Variants in MCM3AP observed in about 807,000 individuals in gnomAD.
MCM3AP encodes germinal-center associated nuclear protein.
A neutral mutation model predicts 184.1 loss-of-function variants in MCM3AP; 126 were observed. The observed-to-expected ratio is 0.68, with a 90% confidence interval of 0.59 to 0.79. MCM3AP has a LOEUF of 0.79. MCM3AP is among the 30% of genes least tolerant of loss of function. The pLI is 0.00. For missense variants in MCM3AP, 2,496 were observed against 2,479.2 expected (o/e 1.01, Z -0.14); for synonymous variants, 1,002 against 979.3 (o/e 1.02, Z -0.43).
chr21:46,284,997 G>A lies in MCM3AP; in HGVS notation c.290C>T (p.Ser97Phe). ...LEHTSTFVATSGPSSSSVLGN... is the reference protein window; with the variant it reads ...LEHTSTFVATFGPSSSSVLGN... ...CAGCACAGATGAACTTGAAGGCCCAGAGGTAGCCACAAAGGTGGAAGTGTG... is the reference window on the plus strand; with the variant it reads ...CAGCACAGATGAACTTGAAGGCCCAAAGGTAGCCACAAAGGTGGAAGTGTG... The change falls in exon 1 of 28, where the codon TCT becomes TTT. Residue 97 changes from serine (S) to phenylalanine (F), a missense_variant. Physicochemically the swap from Ser to Phe is radical, Grantham distance 155. Transcript: ENST00000291688. 6 of 1,614,194 alleles carry A rather than the reference G, an allele frequency of 3.7e-6. No homozygotes were observed. Among genetic ancestry groups the A allele is most frequent in the Non-Finnish European group, 5.1e-6 (6 of 1,180,036 alleles).
intron 9 of MCM3AP, among the ~76,000 whole-genome samples, chr21:46,270,038 C>T (rs970327778): frequency 1.3e-5 from 2 of 152,096 alleles, no homozygotes; most frequent in Non-Finnish European, 2.9e-5. Context: ...CCAGAAACTT[C>T]GATTTAAAAC....
At chr21:46,265,039 G>A (rs548238774) in intron 12 of MCM3AP, among the ~76,000 whole-genome samples, 7 of 152,358 alleles carry the variant, frequency 4.6e-5, no homozygotes, top group African/African-American at 1.4e-4. Flanking sequence ...ATCAGGGGGC[G>A]CACAATGCTG....
Position 46,244,833 on chromosome 21 carries a change from G to A in MCM3AP, c.5012C>T (p.Pro1671Leu), listed in dbSNP as rs752671874. Residue 1671 changes from proline (P) to leucine (L), a missense_variant, in exon 23 of 28, where the codon CCG becomes CTG. Physicochemically the swap from Pro to Leu is moderately conservative, Grantham distance 98. Transcript: ENST00000291688. Reference sequence around the variant, plus strand: ...CCCCAGGGGTGGAAGGTCCATCTGCGGAAGCTGGAACCCGAGCACAGCCTG... The same window carrying A: ...CCCCAGGGGTGGAAGGTCCATCTGCAGAAGCTGGAACCCGAGCACAGCCTG... ...LKQAVLGFQL[P>L]QMDLPPLGAP... 12 of 1,613,736 alleles carry A rather than the reference G, an allele frequency of 7.4e-6. No individual in the cohort carries two copies. Among genetic ancestry groups the A allele is most frequent in the South Asian group, 1.1e-5 (1 of 91,052 alleles).
In MCM3AP at chr21:46,277,528, T is replaced by C. The variant is rs766601997; in HGVS notation, c.1857A>G (p.Gln619=). The stretch of plus-strand genomic sequence containing the variant: ...AACCTCTGCCACCAAGTGCCATACC[T>C]TGCCGCATGATCCTGTCTCTCTGGT... ...LLDQRDRIMR[Q]ARVKRTDLDK... is the part of the protein sequence containing the mutation. Residue 619 remains glutamine (Q), a splice_region_variant and synonymous_variant, in exon 5 of 28, where the codon CAA becomes CAG. Coordinates refer to ENST00000291688, the MANE Select transcript of MCM3AP (RefSeq NM_003906.5). The C allele has an allele frequency of 5.7e-6, 9 of 1,569,470 alleles. No individual in the cohort carries two copies. The highest frequency in any genetic ancestry group is 7.8e-6 in the Non-Finnish European group (9 of 1,158,054).
intron 23 of MCM3AP, among the ~76,000 whole-genome samples, chr21:46,243,935 G>T (rs1480194718): frequency 6.6e-6 from 1 of 152,232 alleles, no homozygotes; most frequent in Non-Finnish European, 1.5e-5. Flanking sequence ...TGCTAGCCAA[G>T]TTCTACCCAG....
In MCM3AP at chr21:46,254,389, G is replaced by C. The variant is rs779501211; in HGVS notation, c.4136+3C>G. On this transcript the variant is annotated splice_donor_region_variant and intron_variant, in intron 19 of 27. Coordinates refer to ENST00000291688, the MANE Select transcript of MCM3AP (RefSeq NM_003906.5). ...AACCCCACAGGGGAAAACCCTTCCT[G>C]ACCTGCCACAACTCTCTGGGGACTG... 3 of 1,612,768 alleles carry C rather than the reference G, an allele frequency of 1.9e-6. No homozygotes were observed. Among genetic ancestry groups the C allele is most frequent in the East Asian group, 4.5e-5 (2 of 44,830 alleles).
rs201625217 is a variant in MCM3AP, at chr21:46,266,200, C to T, written c.2790-34G>A. ...ACCACAAAAGACCCCCGAGGGGTGT[C>T]ACCAGGGGAGAAGACAGCTTCGCCC... is the stretch of plus-strand genomic sequence containing the variant. On this transcript the variant is annotated intron_variant, in intron 10 of 27. Coordinates refer to ENST00000291688, the MANE Select transcript of MCM3AP (RefSeq NM_003906.5). 7.0e-5 allele frequency: 110 copies of T among 1,568,432 alleles called. No homozygotes were observed. The African/African-American group carries it at 1.3e-3, about 19-fold the overall frequency.
chr21:46,284,897 T>G lies in MCM3AP; in HGVS notation c.390A>C (p.Glu130Asp). 1 of 1,614,242 alleles carries G rather than the reference T, an allele frequency of 6.2e-7. No individual in the cohort carries two copies. The highest frequency in any genetic ancestry group is 8.5e-7 in the Non-Finnish European group (1 of 1,180,042). Residue 130 changes from glutamate to aspartate, a missense_variant, in exon 1 of 28, where the codon GAA becomes GAC. Transcript: ENST00000291688. ...AFPSTSAFGQEAGEIVNSGFG... is the reference protein window; with the variant it reads ...AFPSTSAFGQDAGEIVNSGFG... ...AACCAGAGTTCACTATTTCTCCAGCTTCTTGTCCAAAAGCAGAAGTGCTTG... is the reference window on the plus strand; with the variant it reads ...AACCAGAGTTCACTATTTCTCCAGCGTCTTGTCCAAAAGCAGAAGTGCTTG...
rs376583195 is a variant in MCM3AP at position 46,243,685 on chromosome 21, G to T, written c.5076C>A (p.Tyr1692Ter). The change falls in exon 24 of 28, where the codon TAC (tyrosine) becomes TAA (stop). Residue 1692 changes from tyrosine (Y) to a stop codon, truncating the protein, a stop_gained. Transcript: ENST00000291688. LOFTEE classifies it high-confidence loss of function. ...GGCGTGAGCTGGGGATCTGGGAGGC[G>T]TACTGGACAACCATGGAGCACACGG... ...WLPVCSMVVQ[Y>*]ASQIPSSRQT... 1 of 1,614,042 alleles carries T rather than the reference G, an allele frequency of 6.2e-7. No individual in the cohort carries two copies. The highest frequency in any genetic ancestry group is 8.5e-7 in the Non-Finnish European group (1 of 1,180,048).
Position 46,285,266 on chromosome 21 carries a change from GA to G in MCM3AP, c.20del (p.Phe7SerfsTer16). Reference sequence around the variant, plus strand: ...AAAAAGCACTAGGCTGCTGCCCACTGAAAGGATTAGTTGGGTTCATCTTCTG... The same window carrying G: ...AAAAAGCACTAGGCTGCTGCCCACTGAAGGATTAGTTGGGTTCATCTTCTG... MNPTNPFSGQQPSAFSA... is the reference protein window; with the variant it reads MNPTNPXSGQQPSAFSA... On this transcript the variant is annotated frameshift_variant, in exon 1 of 28. Coordinates refer to ENST00000291688, the MANE Select transcript of MCM3AP (RefSeq NM_003906.5). LOFTEE classifies it high-confidence loss of function. 6.2e-7 allele frequency: 1 copy of G among 1,613,436 alleles called. No homozygotes were observed.
At chr21:46,272,163 T>G (rs1230746986) in intron 8 of MCM3AP, among the ~76,000 whole-genome samples, 1 of 152,178 alleles carries the variant, frequency 6.6e-6, no homozygotes, top group Non-Finnish European at 1.5e-5. Flanking sequence ...ACATAATTTT[T>G]TCCTCTCTTA....
At position 46,265,512 on chromosome 21, in the gene MCM3AP, C is replaced by T; in HGVS notation, c.3043G>A (p.Gly1015Arg). 1.9e-6 allele frequency: 3 copies of T among 1,596,802 alleles called. No homozygotes were observed. The highest frequency in any genetic ancestry group is 2.6e-6 in the Non-Finnish European group (3 of 1,171,522). The change falls in exon 12 of 28, where the codon GGA becomes AGA. Residue 1015 changes from glycine to arginine, a missense_variant. Gly to Arg is a moderately radical substitution (Grantham distance 125). This residue lies in a region of MCM3AP where 1,323 missense variants were observed against 1,273.4 expected (regional missense o/e 1.04). Transcript: ENST00000291688. ...PGSDTVGGGR[G>R]EECGVEPDAP... ...TCCGGCTCTACACCACACTCCTCTC[C>T]TCTCCCTCCGCCTGGAAGGAAACAT...
In MCM3AP at chr21:46,285,192, C is replaced by T. The variant is rs1479532819; in HGVS notation, c.95G>A (p.Arg32Gln). 1.9e-6 allele frequency: 3 copies of T among 1,614,076 alleles called. No homozygotes were observed. Among genetic ancestry groups the T allele is most frequent in the East Asian group, 2.2e-5 (1 of 44,906 alleles). ...VGTLPSKPPFRFGQPSLFGQN... is the reference protein window; with the variant it reads ...VGTLPSKPPFQFGQPSLFGQN... ...TCCAAAAAGAGAAGGTTGACCAAATCGAAATGGCGGCTTAGATGGAAGTGT... is the reference window on the plus strand; with the variant it reads ...TCCAAAAAGAGAAGGTTGACCAAATTGAAATGGCGGCTTAGATGGAAGTGT... The change falls in exon 1 of 28, where the codon CGA (arginine) becomes CAA (glutamine). Residue 32 changes from arginine (R) to glutamine (Q), a missense_variant. Arg to Gln is a conservative substitution (Grantham distance 43). Transcript: ENST00000291688.
At chr21:46,272,403 G>A (rs559824969) in intron 8 of MCM3AP, among the ~76,000 whole-genome samples, 158 bp downstream of exon 8, 18 of 152,294 alleles carry the variant, frequency 1.2e-4, no homozygotes, top group African/African-American at 4.1e-4. Flanking sequence ...CAGCTCAGCC[G>A]ACTGCAAAGC....
chr21:46,268,528 G>A (rs1043183638), intron 9 of MCM3AP, among the ~76,000 whole-genome samples: 2 of 152,244 alleles, frequency 1.3e-5, no homozygotes, highest in African/African-American at 4.8e-5. Flanking sequence ...GGGAGCGCTG[G>A]TGGGGGCCCT....
chr21:46,243,482 C>A lies in MCM3AP; in HGVS notation c.5279G>T (p.Arg1760Leu), dbSNP rs34589822. 1 of 1,610,492 alleles carries A rather than the reference C, an allele frequency of 6.2e-7. No individual in the cohort carries two copies. Among genetic ancestry groups the A allele is most frequent in the South Asian group, 1.1e-5 (1 of 90,630 alleles). ...NHKLRDWTPP[R>L]LPVTSEALSE... ...CTAATTACCTGATGTAACAGGAAGC[C>A]GGGGGGGCGTCCAGTCTCTCAGCTT... The change falls in exon 24 of 28, where the codon CGG becomes CTG. Residue 1760 changes from arginine (R) to leucine (L), a missense_variant. Coordinates refer to ENST00000291688, the MANE Select transcript of MCM3AP (RefSeq NM_003906.5).
chr21:46,254,313 G>A (rs2080914409), intron 19 of MCM3AP, 79 bp downstream of exon 19: 9 of 1,513,814 alleles, frequency 5.9e-6, no homozygotes, highest in South Asian at 3.4e-5. Context: ...CACATAAGAG[G>A]AATACCCGGC....
At chr21:46,259,904 CAAAAAA>C (rs58993039) in intron 15 of MCM3AP, among the ~76,000 whole-genome samples, 11 of 80,268 alleles carry the variant, frequency 1.4e-4, no homozygotes, top group African/African-American at 3.1e-4. Flanking sequence ...AACTCCATTT[CAAAAAA>C]AAAAAAAAAA....
At chr21:46,275,150 C>T in intron 6 of MCM3AP, 36 bp downstream of exon 6, 1 of 1,591,170 alleles carries the variant, frequency 6.3e-7, no homozygotes, top group Non-Finnish European at 8.5e-7. Flanking sequence ...AGCCCCGTCC[C>T]CTGCCCACAC....
Sources: allele counts gnomAD v4.1 joint callset (sites outside exome capture counted in the v4.1 genomes callset), GRCh38; gene constraint gnomAD v4.1.1; regional missense constraint gnomAD v4.1.1; transcripts MANE v1.5; gene names NCBI Gene and HGNC (gene_info 2026-07-23, HGNC 2026-07-21).